Variants in PLXNA2 observed in about 807,000 individuals in gnomAD.
PLXNA2 encodes the protein plexin A2.
In PLXNA2, 91 loss-of-function variants were observed where a neutral mutation model predicts 193.5. The ratio of observed to expected loss-of-function variants is 0.47; its 90% CI spans 0.40 to 0.56. The LOEUF is 0.56. Among genes scored for constraint, PLXNA2 ranks in the 20% least tolerant of loss-of-function variants. The pLI is 0.00. For synonymous variants in PLXNA2, 997 were observed against 1,027.3 expected (o/e 0.97, Z 0.56); for missense variants, 1,995 against 2,503.2 (o/e 0.80, Z 4.33).
intron 3 of PLXNA2, among the ~76,000 whole-genome samples, chr1:208,158,467 A>G (rs1370994012): frequency 6.6e-6 from 1 of 152,146 alleles, no homozygotes; most frequent in Non-Finnish European, 1.5e-5. Flanking sequence ...CCCAGACTCC[A>G]GAGGCAGTTA....
intron 29 of PLXNA2, chr1:208,031,107 C>CGTA: frequency 2.0e-6 from 2 of 997,328 alleles, no homozygotes; most frequent in South Asian, 8.6e-5. Context: ...TGTGAACTCC[C>CGTA]TCTCCGGTGC....
rs1377360305 is a variant in PLXNA2 at position 208,042,315 on chromosome 1, G to A, written c.4069C>T (p.Gln1357Ter). Residue 1357 changes from glutamine (Q) to a stop codon, truncating the protein, a stop_gained, in exon 22 of 32, where the codon CAG (glutamine) becomes TAG (stop). Transcript: ENST00000367033. LOFTEE classifies it high-confidence loss of function. Reference sequence around the variant, plus strand: ...AGGAACACCTTGTTGTTGATGAGCTGGGCAAAGAGCTTCAGGGCCTTCTCC... The same window carrying A: ...AGGAACACCTTGTTGTTGATGAGCTAGGCAAAGAGCTTCAGGGCCTTCTCC... ...HVEKALKLFAQLINNKVFLLT... is the reference protein window; with the variant it reads ...HVEKALKLFA 6.2e-7 allele frequency: 1 copy of A among 1,614,184 alleles called. No individual in the cohort carries two copies.
In PLXNA2 at chr1:208,090,955, T is replaced by A. The variant is rs930742251; in HGVS notation, c.2097+1831A>T. Among the ~76,000 whole-genome samples, 8 of 152,302 alleles carry A rather than the reference T, an allele frequency of 5.3e-5. No homozygotes were observed. The East Asian group carries it at 9.6e-4, about 18-fold the overall frequency. On this transcript the variant is annotated intron_variant, in intron 9 of 31. Transcript: ENST00000367033. ...AAGCTGTGGTGCCCACTCCCACCTCTCCCTGCAGCTCTGTGTGAAAGGACT... is the reference window on the plus strand; with the variant it reads ...AAGCTGTGGTGCCCACTCCCACCTCACCCTGCAGCTCTGTGTGAAAGGACT...
At chr1:208,199,082 A>G (rs1035697526) in intron 3 of PLXNA2, among the ~76,000 whole-genome samples, 4 of 152,218 alleles carry the variant, frequency 2.6e-5, no homozygotes, top group African/African-American at 9.6e-5. Context: ...TGGCATTCCT[A>G]GAGAGAAGAC....
intron 22 of PLXNA2, among the ~76,000 whole-genome samples, chr1:208,040,600 C>T (rs762219468): frequency 6.6e-6 from 1 of 152,214 alleles, no homozygotes; most frequent in Non-Finnish European, 1.5e-5. Flanking sequence ...GTCATTTAAC[C>T]TCTCTGGTTT....
intron 9 of PLXNA2, among the ~76,000 whole-genome samples, chr1:208,086,275 A>C (rs1406656856): frequency 6.6e-6 from 1 of 152,094 alleles, no homozygotes; most frequent in East Asian, 1.9e-4. Flanking sequence ...TGGGAGGGTA[A>C]ATAGAAAATA....
In PLXNA2 at chr1:208,079,188, G is replaced by A. The variant is rs181359931; in HGVS notation, c.2586+72C>T. 3.0e-5 allele frequency: 39 copies of A among 1,311,222 alleles called. No homozygotes were observed. In the Admixed American group the frequency reaches 6.6e-4, roughly 22 times the overall value. 81.2% of individuals were successfully genotyped at this position (1,311,222 alleles called of 1,614,324 possible). A position where few individuals can be genotyped will look rare whatever the true frequency, so the allele number is the denominator to read the frequency against. ...TAATTTGTCCACAGAGTCTCAATTT[G>A]CACTCCTCTCCCACTGTCTTGGGGT... On this transcript the variant is annotated intron_variant, in intron 12 of 31. Coordinates refer to ENST00000367033, the MANE Select transcript of PLXNA2 (RefSeq NM_025179.4).
In PLXNA2 at chr1:208,042,133, C is replaced by T; in HGVS notation, c.4251G>A (p.Leu1417=). 6.2e-7 allele frequency: 1 copy of T among 1,614,162 alleles called. No individual in the cohort carries two copies. Residue 1417 remains leucine, a synonymous_variant, in exon 22 of 32, where the codon CTG becomes CTA. Coordinates refer to ENST00000367033, the MANE Select transcript of PLXNA2 (RefSeq NM_025179.4). ...QLLSDLIDKN[L]ENKNHPKLLL... ...GCAGCTTGGGGTGGTTCTTGTTCTC[C>T]AGGTTCTTATCGATGAGGTCAGAGA... is the stretch of plus-strand genomic sequence containing the variant.
chr1:208,068,623 AG>A (rs967193608), intron 12 of PLXNA2, among the ~76,000 whole-genome samples: 1 of 152,196 alleles, frequency 6.6e-6, no homozygotes, highest in Non-Finnish European at 1.5e-5. Context: ...TCGTGCCTTC[AG>A]CAAAGGCCTG....
chr1:208,169,569 A>G (rs1669427188), intron 3 of PLXNA2, among the ~76,000 whole-genome samples: 1 of 152,360 alleles, frequency 6.6e-6, no homozygotes, highest in East Asian at 1.9e-4. Context: ...GGGCAAGTGG[A>G]CAAAGGGCTG....
chr1:208,157,016 T>C (rs1668959918), intron 3 of PLXNA2, among the ~76,000 whole-genome samples: 1 of 152,200 alleles, frequency 6.6e-6, no homozygotes, highest in Admixed American at 6.5e-5. Context: ...ATACAAGAAA[T>C]TGCCATATAA....
intron 3 of PLXNA2, among the ~76,000 whole-genome samples, chr1:208,152,934 A>G (rs920871066): frequency 1.3e-5 from 2 of 152,110 alleles, no homozygotes; most frequent in East Asian, 1.9e-4. Flanking sequence ...GCCTGCACCA[A>G]TCTTTCCTTG....
chr1:208,155,917 G>A (rs190918815), intron 3 of PLXNA2, among the ~76,000 whole-genome samples: 5 of 152,324 alleles, frequency 3.3e-5, no homozygotes, highest in Non-Finnish European at 7.3e-5. Flanking sequence ...ATCCCTCCAG[G>A]AAATGTGGGA....
At chr1:208,046,211 G>T in intron 17 of PLXNA2, 94 bp from the exon 18 acceptor site, 1 of 1,427,200 alleles carries the variant, frequency 7.0e-7, no homozygotes, top group Non-Finnish European at 9.4e-7. Flanking sequence ...CTGCTTTTGT[G>T]CCTCGTCACT....
chr1:208,078,431 T>C (rs1666228823), intron 12 of PLXNA2, among the ~76,000 whole-genome samples: 1 of 152,184 alleles, frequency 6.6e-6, no homozygotes, highest in Non-Finnish European at 1.5e-5. Flanking sequence ...AAAAGGATGG[T>C]GCAGCAGCTC....
chr1:208,134,702 T>G (rs515352), intron 4 of PLXNA2, among the ~76,000 whole-genome samples: 1 of 152,074 alleles, frequency 6.6e-6, no homozygotes, highest in Non-Finnish European at 1.5e-5. Flanking sequence ...TGTTACTGAG[T>G]CCTTGCCCGC....
chr1:208,233,445 C>T (rs1296706135), intron 1 of PLXNA2, among the ~76,000 whole-genome samples: 1 of 152,218 alleles, frequency 6.6e-6, no homozygotes, highest in East Asian at 1.9e-4. Flanking sequence ...CTTTTTCTTC[C>T]TGGCCCCCAG....
intron 4 of PLXNA2, among the ~76,000 whole-genome samples, chr1:208,122,878 G>T (rs141129989): frequency 1.3e-5 from 2 of 152,244 alleles, no homozygotes; most frequent in African/African-American, 4.8e-5. Flanking sequence ...AGACAATTAG[G>T]ACATGATCTT....
At chr1:208,211,708 A>C (rs866315287) in intron 2 of PLXNA2, among the ~76,000 whole-genome samples, 2 of 152,152 alleles carry the variant, frequency 1.3e-5, no homozygotes, top group Middle Eastern at 3.4e-3. Flanking sequence ...AAAAAAAAAA[A>C]AAATTGCTGG....
Sources: allele counts gnomAD v4.1 joint callset (sites outside exome capture counted in the v4.1 genomes callset), GRCh38; gene constraint gnomAD v4.1.1; transcripts MANE v1.5; gene names NCBI Gene and HGNC (gene_info 2026-07-23, HGNC 2026-07-21).